The following YTHDF1 variants were observed in gnomAD, a reference collection of about 807,000 sequenced individuals.
The protein encoded by YTHDF1 is YTH domain-containing family protein 1.
In YTHDF1, 16 loss-of-function variants were observed where a neutral mutation model predicts 49.1. The ratio of observed to expected loss-of-function variants is 0.33; its 90% CI spans 0.22 to 0.49. The LOEUF is 0.49. Ranked by LOEUF, YTHDF1 falls within the 20% of genes least tolerant of loss-of-function variation. YTHDF1 has a pLI of 0.99. For synonymous variants in YTHDF1, 313 were observed against 290.1 expected, an observed-to-expected ratio of 1.08 and a Z score of -0.80; for missense variants, 621 against 744.3, an observed-to-expected ratio of 0.83 and a Z score of 1.93.
chr20:63,204,010 C>A (rs1021946408), intron 3 of YTHDF1, among the ~76,000 whole-genome samples: 1 of 152,168 alleles, frequency 6.6e-6, no homozygotes, highest in African/African-American at 2.4e-5. Flanking sequence ...ACCAGGGTGC[C>A]GTCTCAAAAT....
chr20:63,213,499 C>T (rs550636822), intron 3 of YTHDF1, among the ~76,000 whole-genome samples: 10 of 152,302 alleles, frequency 6.6e-5, no homozygotes, highest in Admixed American at 3.3e-4. Flanking sequence ...CTCTTAGCTG[C>T]CTCCCCAGAC....
chr20:63,213,613 TAG>T (rs530819990), intron 3 of YTHDF1, among the ~76,000 whole-genome samples: 7 of 152,050 alleles, frequency 4.6e-5, no homozygotes, highest in Non-Finnish European at 8.8e-5. Context: ...CCACAAACAC[TAG>T]AGCCAACTAG....
chr20:63,210,765 G>A (rs1057242751), intron 3 of YTHDF1, among the ~76,000 whole-genome samples: 1 of 152,110 alleles, frequency 6.6e-6, no homozygotes, highest in African/African-American at 2.4e-5. Context: ...TCCATCCTGG[G>A]CAACAAGAGC....
At chr20:63,207,424 G>A (rs533166736) in intron 3 of YTHDF1, among the ~76,000 whole-genome samples, 3 of 151,884 alleles carry the variant, frequency 2.0e-5, no homozygotes, top group South Asian at 2.1e-4. Context: ...AGCCGAGATC[G>A]AGCCACTGCA....
chr20:63,199,569 A>T (rs565588943), intron 4 of YTHDF1, among the ~76,000 whole-genome samples: 1 of 151,820 alleles, frequency 6.6e-6, no homozygotes, highest in African/African-American at 2.4e-5. Flanking sequence ...TGGGAAACCC[A>T]GAGGGAGAAA....
intron 1 of YTHDF1, 126 bp downstream of exon 1, chr20:63,215,740 C>A: frequency 7.3e-7 from 1 of 1,377,562 alleles, no homozygotes; most frequent in Admixed American, 3.6e-5. Flanking sequence ...CGACCCCGGC[C>A]CCGAGACCCC....
chr20:63,205,681 G>T (rs1229780352), intron 3 of YTHDF1, among the ~76,000 whole-genome samples: 1 of 152,054 alleles, frequency 6.6e-6, no homozygotes, highest in Non-Finnish European at 1.5e-5. Context: ...GTTAATTTTT[G>T]TATTTTTAGT....
intron 3 of YTHDF1, among the ~76,000 whole-genome samples, chr20:63,210,203 T>G (rs1421211512): frequency 1.3e-5 from 2 of 152,174 alleles, no homozygotes; most frequent in Non-Finnish European, 2.9e-5. Flanking sequence ...TATCATATTG[T>G]GGTCTGTTGC....
Position 63,203,249 on chromosome 20 carries a change from G to A in YTHDF1, c.691C>T (p.Pro231Ser). 6.2e-7 allele frequency: 1 copy of A among 1,613,954 alleles called. No individual in the cohort carries two copies. Among genetic ancestry groups the A allele is most frequent in the African/African-American group, 1.3e-5 (1 of 75,064 alleles). Residue 231 changes from proline (P) to serine (S), a missense_variant, in exon 4 of 5, where the codon CCG (proline) becomes TCG (serine). Physicochemically the swap from Pro to Ser is moderately conservative, Grantham distance 74. Around this residue, in one of 2 missense-constraint regions of YTHDF1, gnomAD observed 470 missense variants for 495.8 expected, o/e 0.95. Transcript: ENST00000370339. The surrounding 1 kb of genome is among the most constrained non-coding windows in gnomAD (Gnocchi z 4.4). ...CTGGCAATGGCAGCCCACGAGGTCG[G>A]CTTTGAAACTGGCATGTTCACATTT... ...GTNVNMPVSKPTSWAAIASKP... is the reference protein window; with the variant it reads ...GTNVNMPVSKSTSWAAIASKP...
chr20:63,215,310 T>C (rs1462486164), intron 2 of YTHDF1, among the ~76,000 whole-genome samples: 1 of 152,136 alleles, frequency 6.6e-6, no homozygotes, highest in African/African-American at 2.4e-5. Flanking sequence ...CCGGCTCTCC[T>C]ACCTCCCCTT....
Position 63,202,929 on chromosome 20 carries a change from C to T in YTHDF1, c.1011G>A (p.Ala337=), listed in dbSNP as rs763110293. 1.4e-5 allele frequency: 23 copies of T among 1,613,944 alleles called. 2 individuals carry two copies. Among genetic ancestry groups the T allele is most frequent in the Middle Eastern group, 3.3e-4 (2 of 6,082 alleles). The part of the protein sequence containing the change: ...RWVAPRNRNA[A]FGQSGGAGSD... ...TGCCAGCCCCTCCGCTCTGCCCAAA[C>T]GCCGCGTTTCTGTTGCGTGGGGCAA... Residue 337 remains alanine (A), a synonymous_variant, in exon 4 of 5, where the codon GCG becomes GCA. Transcript: ENST00000370339.
intron 4 of YTHDF1, among the ~76,000 whole-genome samples, chr20:63,197,900 G>A (rs997009983): frequency 2.6e-5 from 4 of 152,032 alleles, no homozygotes; most frequent in African/African-American, 9.7e-5. Context: ...TGTGTCTTCC[G>A]GTTAATAATA....
intron 3 of YTHDF1, among the ~76,000 whole-genome samples, chr20:63,208,779 C>T (rs2066559966): frequency 6.6e-6 from 1 of 152,324 alleles, no homozygotes; most frequent in Non-Finnish European, 1.5e-5. Context: ...CCCGGGCCCA[C>T]CAGAGCTGCC....
chr20:63,196,639 G>T lies in YTHDF1; in HGVS notation c.*69C>A. 6.3e-7 allele frequency: 1 copy of T among 1,596,682 alleles called. No individual in the cohort carries two copies. The highest frequency in any genetic ancestry group is 1.1e-5 in the South Asian group (1 of 90,102). On this transcript the variant is annotated 3_prime_UTR_variant, in exon 5 of 5. Coordinates refer to ENST00000370339, the MANE Select transcript of YTHDF1 (RefSeq NM_017798.4). ...CCGCACGGGACGACACACTGGAGCTGACCAAGCACACGTGTTTTAAACTGT... is the reference window on the plus strand; with the variant it reads ...CCGCACGGGACGACACACTGGAGCTTACCAAGCACACGTGTTTTAAACTGT...
At chr20:63,202,189 G>T in intron 4 of YTHDF1, 98 bp downstream of exon 4, 1 of 1,472,118 alleles carries the variant, frequency 6.8e-7, no homozygotes, top group Non-Finnish European at 9.1e-7. Context: ...GACTCAGCTC[G>T]GCGGACCTGC....
rs575545252 is a variant in YTHDF1, at chr20:63,213,157, C to T, written c.132+707G>A. 3.4e-4 allele frequency among the ~76,000 whole-genome samples: 52 copies of T among 152,338 alleles called. No individual in the cohort carries two copies. In the South Asian group the frequency reaches 9.3e-3, roughly 27 times the overall value. On this transcript the variant is annotated intron_variant, in intron 3 of 4. Transcript: ENST00000370339. ...GAGTTAAAATTGAAACCAGGCTGGGCGCGGTGCCTCACGCCTATAATCCCA... is the reference window on the plus strand; with the variant it reads ...GAGTTAAAATTGAAACCAGGCTGGGTGCGGTGCCTCACGCCTATAATCCCA...
chr20:63,196,185 A>T lies in YTHDF1; in HGVS notation c.*523T>A, dbSNP rs1163764086. On this transcript the variant is annotated 3_prime_UTR_variant, in exon 5 of 5. Coordinates refer to ENST00000370339, the MANE Select transcript of YTHDF1 (RefSeq NM_017798.4). ...AAATTAAAAGTTATCTGTCTAGCAG[A>T]AAAATCAAATGGGTAAATTAGCACT... is the stretch of plus-strand genomic sequence containing the variant. The T allele has an allele frequency of 6.6e-6, 1 of 152,292 alleles. No individual in the cohort carries two copies. The highest frequency in any genetic ancestry group is 2.4e-5 in the African/African-American group (1 of 41,472). 9.4% of individuals were successfully genotyped at this position (152,292 alleles called of 1,614,324 possible). A position where few individuals can be genotyped will look rare whatever the true frequency, so the allele number is the denominator to read the frequency against.
chr20:63,215,186 G>GAAA lies in YTHDF1; in HGVS notation c.52+390_52+391insTTT, dbSNP rs1601242322. Reference sequence around the variant, plus strand: ...TGCTAACAGACTTGGAAAACGGGCTGCAACTACCGGGGATGTGGAGCTTAG... The same window carrying GAAA: ...TGCTAACAGACTTGGAAAACGGGCTGAAACAACTACCGGGGATGTGGAGCTTAG... On this transcript the variant is annotated intron_variant, in intron 2 of 4. Transcript: ENST00000370339. Among the ~76,000 whole-genome samples the GAAA allele has an allele frequency of 2.0e-5, 3 of 152,318 alleles. No individual in the cohort carries two copies. The East Asian group carries it at 5.8e-4, about 29-fold the overall frequency.
intron 3 of YTHDF1, among the ~76,000 whole-genome samples, chr20:63,213,247 C>T (rs573056572): frequency 6.6e-6 from 1 of 152,198 alleles, no homozygotes; most frequent in African/African-American, 2.4e-5. Flanking sequence ...GCCTGGCCAA[C>T]ATGGTGAAAC....
Sources: gnomAD v4.1 joint callset for allele counts (sites outside exome capture counted in the v4.1 genomes callset) on GRCh38, gnomAD v4.1.1 for gene constraint, gnomAD v4.1.1 regional missense constraint, Gnocchi (gnomAD v3.1) non-coding constraint, MANE v1.5 for transcripts, NCBI Gene and HGNC (gene_info 2026-07-23, HGNC 2026-07-21) for gene names.